Variants in FIGLA observed in about 807,000 individuals in gnomAD.
FIGLA encodes the protein folliculogenesis specific bHLH transcription factor, also known as factor in the germline alpha.
In FIGLA, 17 loss-of-function variants were observed where a neutral mutation model predicts 21.5. The ratio of observed to expected loss-of-function variants is 0.79; its 90% CI spans 0.54 to 1.19. The LOEUF is 1.19. Ranked by LOEUF, FIGLA falls within the 50% of genes most tolerant of loss-of-function variation. FIGLA has a pLI of 0.00. For synonymous variants in FIGLA, 129 were observed against 117.6 expected, an observed-to-expected ratio of 1.10 and a Z score of -0.63; for missense variants, 282 against 285.0, an observed-to-expected ratio of 0.99 and a Z score of 0.08.
Position 70,783,700 on chromosome 2 carries a change from AT to A in FIGLA, c.609+1714del, listed in dbSNP as rs140083581. On this transcript the variant is annotated intron_variant, in intron 3 of 4. Coordinates refer to ENST00000332372, the MANE Select transcript of FIGLA (RefSeq NM_001004311.3). ...TCAGGCTCAAGGTCTAGCTCAGGTC[AT>A]TTTTTTTTTTTTTTTGAGATGGTGT... Among the ~76,000 whole-genome samples the A allele has an allele frequency of 7.1e-3, 1,004 of 141,540 alleles. 3 individuals are homozygous for A. The highest frequency in any genetic ancestry group is 0.015 in the African/African-American group (590 of 38,500). The allele number at this position is 141,540 out of a possible 152,430, so 92.9% of individuals were successfully genotyped here. A position where few individuals can be genotyped will look rare whatever the true frequency, so the allele number is the denominator to read the frequency against.
chr2:70,789,498 C>G (rs1011445541), intron 1 of FIGLA, among the ~76,000 whole-genome samples: 11 of 152,138 alleles, frequency 7.2e-5, no homozygotes, highest in Admixed American at 7.2e-4. Flanking sequence ...AAAGAAGTCT[C>G]CTACTCTCCT....
intron 3 of FIGLA, among the ~76,000 whole-genome samples, chr2:70,780,190 C>A (rs1467659198): frequency 2.0e-5 from 3 of 152,100 alleles, no homozygotes; most frequent in Admixed American, 2.0e-4. Context: ...GACTTTGCCT[C>A]CCAGGAATGT....
intron 3 of FIGLA, among the ~76,000 whole-genome samples, chr2:70,780,923 C>G (rs1472222319): frequency 1.3e-5 from 2 of 152,182 alleles, no homozygotes; most frequent in African/African-American, 4.8e-5. Context: ...TGGTCCAGTG[C>G]AAACATGGTA....
chr2:70,784,702 G>T (rs561370161), intron 3 of FIGLA, among the ~76,000 whole-genome samples: 1 of 152,206 alleles, frequency 6.6e-6, no homozygotes, highest in Admixed American at 6.5e-5. Context: ...GTTACAGCAT[G>T]CTTACTTCAC....
At chr2:70,779,691 C>G (rs940718617) in intron 3 of FIGLA, among the ~76,000 whole-genome samples, 8 of 152,122 alleles carry the variant, frequency 5.3e-5, no homozygotes, top group African/African-American at 1.9e-4. Context: ...CATACCAAGG[C>G]CCCTGTAACA....
chr2:70,789,486 T>G (rs1553390518), intron 1 of FIGLA, among the ~76,000 whole-genome samples: 1 of 152,114 alleles, frequency 6.6e-6, no homozygotes, highest in East Asian at 1.9e-4. Context: ...AAGAGGAGAC[T>G]TAAAGAAGTC....
chr2:70,785,989 G>T (rs1419590904), intron 2 of FIGLA, among the ~76,000 whole-genome samples: 7 of 152,268 alleles, frequency 4.6e-5, no homozygotes, highest in African/African-American at 1.4e-4. Context: ...CAACCATCCA[G>T]TTTGACCAAC....
intron 3 of FIGLA, among the ~76,000 whole-genome samples, chr2:70,782,826 T>C (rs782713572): frequency 9.9e-5 from 15 of 152,148 alleles, no homozygotes; most frequent in Non-Finnish European, 1.6e-4. Context: ...CCCAGCATTC[T>C]GGGAGGCTGA....
Position 70,790,393 on chromosome 2 carries a change from C to G in FIGLA, c.231+15G>C. ...GGGAAGGGGGGAACGGACGTCGACCCTAGGGATCCCTCACCCGCTCACGCT... is the reference window on the plus strand; with the variant it reads ...GGGAAGGGGGGAACGGACGTCGACCGTAGGGATCCCTCACCCGCTCACGCT... On this transcript the variant is annotated intron_variant, in intron 1 of 4. Coordinates refer to ENST00000332372, the MANE Select transcript of FIGLA (RefSeq NM_001004311.3). 2.0e-6 allele frequency: 3 copies of G among 1,520,542 alleles called. No homozygotes were observed. Among genetic ancestry groups the G allele is most frequent in the Non-Finnish European group, 2.6e-6 (3 of 1,133,766 alleles). 94.2% of individuals were successfully genotyped at this position (1,520,542 alleles called of 1,614,324 possible). A position where few individuals can be genotyped will look rare whatever the true frequency, so the allele number is the denominator to read the frequency against.
At chr2:70,778,466 C>G (rs576170989) in intron 3 of FIGLA, among the ~76,000 whole-genome samples, 1 of 151,038 alleles carries the variant, frequency 6.6e-6, no homozygotes, top group Admixed American at 6.6e-5. Flanking sequence ...TAGTTCAGAC[C>G]TAGCTTTGGA....
At chr2:70,779,566 G>C (rs367986258) in intron 3 of FIGLA, among the ~76,000 whole-genome samples, 3 of 152,136 alleles carry the variant, frequency 2.0e-5, no homozygotes, top group Non-Finnish European at 2.9e-5. Context: ...ACAGATTACC[G>C]CAACTTGGAA....
At chr2:70,790,307 CGAGCGGGGGTGGGCGGT>C in intron 1 of FIGLA, 84 bp downstream of exon 1, 1 of 1,298,738 alleles carries the variant, frequency 7.7e-7, no homozygotes, top group Non-Finnish European at 1.0e-6. Flanking sequence ...GAAGTCGCCT[CGAGCGGGGGTGGGCGGT>C]GAGCGGACCC....
At chr2:70,784,086 C>T (rs547049891) in intron 3 of FIGLA, among the ~76,000 whole-genome samples, 1 of 151,182 alleles carries the variant, frequency 6.6e-6, no homozygotes, top group South Asian at 2.1e-4. Context: ...CCAGCGAAAT[C>T]TTATATCTCA....
chr2:70,785,537 CA>C lies in FIGLA; in HGVS notation c.486del (p.Cys162TrpfsTer5). 1 of 1,613,966 alleles carries C rather than the reference CA, an allele frequency of 6.2e-7. No homozygotes were observed. The highest frequency in any genetic ancestry group is 2.2e-5 in the East Asian group (1 of 44,864). ...TCCTCTTCATTCTTCAAGCCGAAAG[CA>C]CAGCTGATATGTTGGGTGATGTTTC... ...LSRNITQHIS[C>X]AFGLKNEEEG... is the part of the protein sequence containing the mutation. On this transcript the variant is annotated frameshift_variant, in exon 3 of 5. Transcript: ENST00000332372. LOFTEE classifies it high-confidence loss of function.
rs1553390795 is a variant in FIGLA, at chr2:70,790,589, AGCGCGGGCGGCGCG to A, written c.36_49del (p.Ala13ProfsTer41). The A allele has an allele frequency of 6.1e-6, 9 of 1,486,320 alleles. No individual in the cohort carries two copies. The South Asian group carries it at 1.0e-4, about 17-fold the overall frequency. The allele number at this position is 1,486,320 out of a possible 1,614,324, so 92.1% of individuals were successfully genotyped here. ...CACCTCGGCTTGCGGGGTGCCCAGG[AGCGCGGGCGGCGCG>A]GCGCGGGGATCTAGGACGCCGGGCG... On this transcript the variant is annotated frameshift_variant, in exon 1 of 5. Transcript: ENST00000332372. LOFTEE classifies it high-confidence loss of function.
chr2:70,787,001 C>A (rs1383391497), intron 2 of FIGLA, among the ~76,000 whole-genome samples: 5 of 152,188 alleles, frequency 3.3e-5, no homozygotes, highest in African/African-American at 9.7e-5. Flanking sequence ...TTTGCCTTTC[C>A]CTGGAACAAG....
rs997315240 is a variant in FIGLA at position 70,787,546 on chromosome 2, C to A, written c.384+103G>T. The A allele has an allele frequency of 2.5e-6, 3 of 1,212,818 alleles. No individual in the cohort carries two copies. The Admixed American group carries it at 7.6e-5, about 31-fold the overall frequency. 75.1% of individuals were successfully genotyped at this position (1,212,818 alleles called of 1,614,324 possible). On this transcript the variant is annotated intron_variant, in intron 2 of 4. Coordinates refer to ENST00000332372, the MANE Select transcript of FIGLA (RefSeq NM_001004311.3). ...ATAAAAATAGCTTAGAGGTTATAAA[C>A]CTTAAGTGGAAAGTATACATATATC...
Position 70,778,695 on chromosome 2 carries a change from T to C in FIGLA, c.610-1024A>G, listed in dbSNP as rs1393729544. Among the ~76,000 whole-genome samples, 3 of 152,098 alleles carry C rather than the reference T, an allele frequency of 2.0e-5. No individual in the cohort carries two copies. In the East Asian group the frequency reaches 5.8e-4, roughly 29 times the overall value. ...ATGAGAATAGAAAAACTTGCCAAAG[T>C]TTATAAATGTTGTCTTTATTGTCAC... On this transcript the variant is annotated intron_variant, in intron 3 of 4. Coordinates refer to ENST00000332372, the MANE Select transcript of FIGLA (RefSeq NM_001004311.3).
chr2:70,790,471 G>A lies in FIGLA; in HGVS notation c.168C>T (p.Ser56=). The A allele has an allele frequency of 6.5e-7, 1 of 1,545,306 alleles. No individual in the cohort carries two copies. The highest frequency in any genetic ancestry group is 8.7e-7 in the Non-Finnish European group (1 of 1,146,298). The part of the protein sequence containing the change: ...LKRLPSGGYS[S]TENLQLVLER... ...CCAGCACCAACTGGAGGTTTTCAGT[G>A]GACGAGTAGCCGCCCGAGGGCAGCC... Residue 56 remains serine (S), a synonymous_variant, in exon 1 of 5, where the codon TCC becomes TCT. Transcript: ENST00000332372.
Sources: gnomAD v4.1 joint callset for allele counts (sites outside exome capture counted in the v4.1 genomes callset) on GRCh38, gnomAD v4.1.1 for gene constraint, MANE v1.5 for transcripts, NCBI Gene and HGNC (gene_info 2026-07-23, HGNC 2026-07-21) for gene names.